Variants in PHKA1 observed in about 807,000 individuals in gnomAD.
PHKA1 encodes the protein phosphorylase b kinase regulatory subunit alpha, skeletal muscle isoform.
PHKA1 carries 60 observed loss-of-function variants against 110.2 expected under a neutral mutation model. That is an observed-to-expected ratio of 0.54 (90% confidence interval 0.44 to 0.68). PHKA1 has a LOEUF of 0.68. PHKA1 is among the 30% of genes least tolerant of loss of function. The pLI is 0.00. For synonymous variants in PHKA1, 316 were observed against 333.6 expected (o/e 0.95, Z 0.58); for missense variants, 801 against 942.5 (o/e 0.85, Z 1.97).
At chrX:72,584,169 T>C in intron 30 of PHKA1, 80 bp downstream of exon 30, 1 of 811,727 alleles carries the variant, frequency 1.2e-6, no homozygotes, top group Non-Finnish European at 1.9e-6. Context: ...GATCTGTCAC[T>C]TTGAAAAGTA....
intron 16 of PHKA1, among the ~76,000 whole-genome samples, chrX:72,630,999 G>GTTTTTTTTTTTT (rs146161152): frequency 1.2e-3 from 53 of 44,651 alleles, no homozygotes; most frequent in Admixed American, 1.6e-3. Context: ...ATTTTTTCAG[G>GTTTTTTTTTTTT]TTTTTTTTTT....
At chrX:72,615,853 C>G (rs1556268535) in intron 21 of PHKA1, among the ~76,000 whole-genome samples, 2 of 109,473 alleles carry the variant, frequency 1.8e-5, no homozygotes, top group African/African-American at 6.7e-5. Context: ...AAGCCCTTAC[C>G]TACCAATAAT....
intron 16 of PHKA1, among the ~76,000 whole-genome samples, chrX:72,627,904 G>A (rs1004619926): frequency 4.1e-5 from 4 of 98,548 alleles, no homozygotes; most frequent in Non-Finnish European, 7.9e-5. Flanking sequence ...TGCAAGCTCC[G>A]CCTCCCGGGT....
At chrX:72,595,308 A>AT (rs1344382833) in intron 28 of PHKA1, among the ~76,000 whole-genome samples, 1 of 111,536 alleles carries the variant, frequency 9.0e-6, no homozygotes, top group Admixed American at 9.5e-5. Context: ...AAAAGTTTAG[A>AT]TTTTTTTCCT....
chrX:72,592,982 G>T (rs1556227739), intron 29 of PHKA1, 122 bp downstream of exon 29: 2 of 519,840 alleles, frequency 3.8e-6, no homozygotes, highest in South Asian at 5.5e-5. Context: ...TCTTGGTTTT[G>T]TCTATCTGAG....
intron 31 of PHKA1, among the ~76,000 whole-genome samples, chrX:72,582,054 G>A (rs2052344345): frequency 8.9e-6 from 1 of 112,133 alleles, no homozygotes; most frequent in African/African-American, 3.2e-5. Flanking sequence ...CCATCCAATA[G>A]TTTCTTATTA....
intron 14 of PHKA1, among the ~76,000 whole-genome samples, chrX:72,642,011 T>C (rs1156860542): frequency 8.9e-6 from 1 of 112,173 alleles, no homozygotes; most frequent in Non-Finnish European, 1.9e-5. Flanking sequence ...TGGTACATAA[T>C]AAGTGAGCAA....
chrX:72,597,005 A>G, intron 28 of PHKA1, among the ~76,000 whole-genome samples: 1 of 112,408 alleles, frequency 8.9e-6, no homozygotes, highest in Non-Finnish European at 1.9e-5. Context: ...AGATAATTAA[A>G]TGAGGGAAAA....
chrX:72,670,727 C>T (rs2053682479), intron 6 of PHKA1, among the ~76,000 whole-genome samples: 1 of 111,679 alleles, frequency 9.0e-6, no homozygotes, highest in Non-Finnish European at 1.9e-5. Flanking sequence ...CATCAAAAAG[C>T]TTATCCACCA....
intron 21 of PHKA1, among the ~76,000 whole-genome samples, chrX:72,618,291 C>A (rs781955453): frequency 9.0e-6 from 1 of 111,567 alleles, no homozygotes; most frequent in South Asian, 3.8e-4. Context: ...ATACAAAGTA[C>A]CTAGCAGGAT....
intron 29 of PHKA1, among the ~76,000 whole-genome samples, chrX:72,585,120 A>C (rs1556210313): frequency 9.0e-6 from 1 of 111,158 alleles, no homozygotes; most frequent in Non-Finnish European, 1.9e-5. Context: ...AGAAATTACT[A>C]TCATTTGTTA....
At chrX:72,686,334 C>T (rs1214934247) in intron 4 of PHKA1, among the ~76,000 whole-genome samples, 3 of 112,283 alleles carry the variant, frequency 2.7e-5, no homozygotes, top group Non-Finnish European at 5.6e-5. Context: ...CCTGTTTTAC[C>T]AGTTTCTTCT....
At chrX:72,674,839 G>A (rs2053757001) in intron 6 of PHKA1, among the ~76,000 whole-genome samples, 1 of 111,290 alleles carries the variant, frequency 9.0e-6, no homozygotes, top group Non-Finnish European at 1.9e-5. Context: ...AACTAAATTT[G>A]TCTGTGTGAA....
In PHKA1 at chrX:72,652,540, T is replaced by C. The variant is rs782808148; in HGVS notation, c.1245+4A>G. 1.9e-6 allele frequency: 2 copies of C among 1,080,318 alleles called. No individual in the cohort carries two copies. The highest frequency in any genetic ancestry group is 3.0e-5 in the East Asian group (1 of 33,254). 89.0% of individuals were successfully genotyped at this position (1,080,318 alleles called of 1,213,427 possible). A position where few individuals can be genotyped will look rare whatever the true frequency, so the allele number is the denominator to read the frequency against. ...AGTGGGACAGCCTTGAAGATTCCTC[T>C]TACCTCTGCCATCAAGCTTCCTAAA... On this transcript the variant is annotated splice_donor_region_variant and intron_variant, in intron 12 of 31. Transcript: ENST00000373542.
rs2052382004 is a variant in PHKA1 at position 72,584,280 on chromosome X, C to T, written c.3266G>A (p.Gly1089Glu). The stretch of plus-strand genomic sequence containing the variant: ...AGTGGTAGAGGAAGGAAGGACAAAC[C>T]CTTCAACAGAAAGTCCGTGACACTG... ...LQKCHGLSVE[G>E]FVLPSSTTRE... The change falls in exon 30 of 32, where the codon GGG becomes GAG. Residue 1089 changes from glycine to glutamate, a missense_variant. Physicochemically the swap from Gly to Glu is moderately conservative, Grantham distance 98 (BLOSUM62 -2). Around this residue, in one of 2 missense-constraint regions of PHKA1, gnomAD observed 502 missense variants for 519.2 expected, o/e 0.97. Transcript: ENST00000373542. 3 of 1,206,834 alleles carry T rather than the reference C, an allele frequency of 2.5e-6. No homozygotes were observed. The African/African-American group carries it at 5.3e-5, about 21-fold the overall frequency.
At chrX:72,582,649 A>G (rs1556204780) in intron 30 of PHKA1, 51 bp from the exon 31 acceptor site, 2 of 802,400 alleles carry the variant, frequency 2.5e-6, no homozygotes, top group South Asian at 4.3e-5. Context: ...CATCCAAGAA[A>G]CATCAATCAC....
At chrX:72,582,205 T>C (rs1368079973) in intron 31 of PHKA1, among the ~76,000 whole-genome samples, 193 bp downstream of exon 31, 2 of 110,801 alleles carry the variant, frequency 1.8e-5, no homozygotes, top group African/African-American at 3.3e-5. Context: ...CAAAAACACA[T>C]GGTGAAAGAC....
At chrX:72,639,423 C>A (rs782387935) in intron 14 of PHKA1, among the ~76,000 whole-genome samples, 74 of 111,232 alleles carry the variant, frequency 6.7e-4, no homozygotes, top group African/African-American at 2.3e-3. Flanking sequence ...GTAATCCCAG[C>A]TACTTGGAAG....
chrX:72,634,133 T>C (rs1023846370), intron 16 of PHKA1, among the ~76,000 whole-genome samples: 1 of 112,406 alleles, frequency 8.9e-6, no homozygotes. Flanking sequence ...TCTTTATATA[T>C]TGTCTTAAGT....
Sources: allele counts gnomAD v4.1 joint callset (sites outside exome capture counted in the v4.1 genomes callset), GRCh38; gene constraint gnomAD v4.1.1; regional missense constraint gnomAD v4.1.1; transcripts MANE v1.5; gene names NCBI Gene and HGNC (gene_info 2026-07-23, HGNC 2026-07-21).